Variants in CTNNA3 observed in about 807,000 individuals in gnomAD.
CTNNA3 encodes catenin alpha-3.
CTNNA3 carries 76 observed loss-of-function variants against 95.7 expected under a neutral mutation model. The observed-to-expected ratio is 0.79, with a 90% confidence interval of 0.66 to 0.96. CTNNA3 has a LOEUF of 0.96. CTNNA3 is among the 40% of genes least tolerant of loss of function. The pLI is 0.00. For missense variants in CTNNA3, 1,191 were observed against 1,089.8 expected (o/e 1.09, Z -1.31); for synonymous variants, 431 against 374.4 (o/e 1.15, Z -1.74).
intron 3 of CTNNA3, among the ~76,000 whole-genome samples, chr10:67,550,298 T>C (rs1049729348): frequency 5.9e-5 from 9 of 152,168 alleles, no homozygotes; most frequent in Non-Finnish European, 1.0e-4. Context: ...CAGCCAGCTC[T>C]AAATAATGCT....
chr10:66,088,784 G>T (rs772559124), intron 14 of CTNNA3, among the ~76,000 whole-genome samples: 13 of 151,868 alleles, frequency 8.6e-5, no homozygotes, highest in Non-Finnish European at 1.9e-4. Context: ...TTTCATTGTT[G>T]TTTTCATTTG....
chr10:66,477,990 A>G (rs190255925), intron 11 of CTNNA3, among the ~76,000 whole-genome samples: 63 of 152,250 alleles, frequency 4.1e-4, no homozygotes, highest in African/African-American at 1.2e-3. Context: ...AAGTTCATAA[A>G]GTGTTTGAAT....
intron 7 of CTNNA3, among the ~76,000 whole-genome samples, chr10:67,062,809 A>G (rs533661540): frequency 5.9e-5 from 9 of 152,298 alleles, no homozygotes; most frequent in Non-Finnish European, 1.2e-4. Context: ...GCAGATGAGA[A>G]AGAAAAATTA....
intron 7 of CTNNA3, among the ~76,000 whole-genome samples, chr10:67,056,986 C>T (rs1855473121): frequency 2.0e-5 from 3 of 152,286 alleles, no homozygotes; most frequent in Admixed American, 2.0e-4. Context: ...TCCTTCTTGA[C>T]AGCTTAATTA....
chr10:66,129,568 G>A (rs72795314), intron 13 of CTNNA3, among the ~76,000 whole-genome samples: 22,618 of 152,064 alleles, frequency 0.15, 2,100 homozygotes, highest in Middle Eastern at 0.22. Context: ...TCTGCAGGGC[G>A]GTCTTGCCTC....
intron 11 of CTNNA3, among the ~76,000 whole-genome samples, chr10:66,448,178 C>G (rs1266621572): frequency 1.3e-5 from 2 of 152,018 alleles, no homozygotes; most frequent in Non-Finnish European, 2.9e-5. Flanking sequence ...CAGGAAACAA[C>G]AGGTGCTGGA....
intron 12 of CTNNA3, among the ~76,000 whole-genome samples, chr10:66,297,455 T>TTA (rs1462656925): frequency 2.6e-5 from 4 of 152,256 alleles, no homozygotes; most frequent in African/African-American, 9.6e-5. Context: ...CAAAAAGTAA[T>TTA]TATATATATT....
chr10:67,559,292 C>A (rs1477767489), intron 3 of CTNNA3, among the ~76,000 whole-genome samples: 1 of 152,218 alleles, frequency 6.6e-6, no homozygotes, highest in African/African-American at 2.4e-5. Flanking sequence ...TGAGACAAAA[C>A]TTCCAGAAGA....
At chr10:66,440,706 T>A (rs2093369032) in intron 11 of CTNNA3, among the ~76,000 whole-genome samples, 1 of 152,132 alleles carries the variant, frequency 6.6e-6, no homozygotes, top group Non-Finnish European at 1.5e-5. Flanking sequence ...ATTATGTAGG[T>A]TTAAATCCTG....
chr10:66,157,119 G>T (rs2084549816), intron 13 of CTNNA3, among the ~76,000 whole-genome samples: 1 of 151,856 alleles, frequency 6.6e-6, no homozygotes, highest in South Asian at 2.1e-4. Flanking sequence ...GTGGTGATTT[G>T]TGAGACTTTG....
chr10:67,072,557 G>A (rs1408123205), intron 7 of CTNNA3, among the ~76,000 whole-genome samples: 1 of 152,146 alleles, frequency 6.6e-6, no homozygotes, highest in African/African-American at 2.4e-5. Flanking sequence ...GAGGCTGGAC[G>A]TCTCAAGCCA....
chr10:66,426,815 TA>T (rs60332701), intron 11 of CTNNA3, among the ~76,000 whole-genome samples: 57,886 of 150,914 alleles, frequency 0.38, 11,636 homozygotes, highest in African/African-American at 0.5. Flanking sequence ...CCTCTGTCTT[TA>T]AAAAAAAATG....
chr10:66,233,017 G>A (rs907932387), intron 13 of CTNNA3, among the ~76,000 whole-genome samples: 6 of 151,618 alleles, frequency 4.0e-5, no homozygotes, highest in Non-Finnish European at 7.4e-5. Context: ...AAAATTAGCC[G>A]GGCGTGGTGG....
intron 12 of CTNNA3, among the ~76,000 whole-genome samples, chr10:66,295,961 T>A (rs2132211121): frequency 6.6e-6 from 1 of 152,368 alleles, no homozygotes; most frequent in African/African-American, 2.4e-5. Context: ...TAGTATTGGA[T>A]GATTTCCTTA....
intron 15 of CTNNA3, among the ~76,000 whole-genome samples, chr10:66,028,409 G>A (rs970553337): frequency 4.1e-4 from 63 of 152,168 alleles, no homozygotes; most frequent in African/African-American, 1.5e-3. Context: ...GGAATACTAT[G>A]CAGCCATAAA....
chr10:66,309,797 C>T (rs1405413698), intron 12 of CTNNA3, among the ~76,000 whole-genome samples: 5 of 149,828 alleles, frequency 3.3e-5, no homozygotes, highest in African/African-American at 9.8e-5. Context: ...CAGTGGCTCA[C>T]GCCTGTAATC....
At chr10:66,897,993 C>T (rs1228636707) in intron 7 of CTNNA3, among the ~76,000 whole-genome samples, 2 of 151,974 alleles carry the variant, frequency 1.3e-5, no homozygotes, top group Non-Finnish European at 2.9e-5. Context: ...ATTTGTCCTA[C>T]CAGAAAGTGA....
chr10:66,033,549 T>A (rs2079494121), intron 15 of CTNNA3, among the ~76,000 whole-genome samples: 1 of 152,142 alleles, frequency 6.6e-6, no homozygotes, highest in Non-Finnish European at 1.5e-5. Flanking sequence ...TGTATGTGTG[T>A]GTGTGTATAC....
At chr10:66,604,482 G>A (rs1844045957) in intron 10 of CTNNA3, among the ~76,000 whole-genome samples, 1 of 152,140 alleles carries the variant, frequency 6.6e-6, no homozygotes, top group Non-Finnish European at 1.5e-5. Flanking sequence ...CACTGCTGCT[G>A]ACATACGCGG....
Sources: gnomAD v4.1 joint callset for allele counts (sites outside exome capture counted in the v4.1 genomes callset) on GRCh38, gnomAD v4.1.1 for gene constraint, MANE v1.5 for transcripts, NCBI Gene and HGNC (gene_info 2026-07-23, HGNC 2026-07-21) for gene names.